DLG2: variants seen among roughly 807,000 people sequenced by gnomAD.
DLG2 encodes disks large homolog 2.
A neutral mutation model predicts 132.5 loss-of-function variants in DLG2; 45 were observed. The ratio of observed to expected loss-of-function variants is 0.34; its 90% CI spans 0.27 to 0.44. The LOEUF (loss-of-function observed/expected upper bound fraction) is 0.44. Ranked by LOEUF, DLG2 falls within the 20% of genes least tolerant of loss-of-function variation. The pLI is 1.00. For missense variants in DLG2, 1,045 were observed against 1,196.9 expected, an observed-to-expected ratio of 0.87 and a Z score of 1.87; for synonymous variants, 424 against 419.6, an observed-to-expected ratio of 1.01 and a Z score of -0.13.
At chr11:84,500,041 G>A (rs1308205092) in intron 7 of DLG2, among the ~76,000 whole-genome samples, 1 of 152,014 alleles carries the variant, frequency 6.6e-6, no homozygotes, top group African/African-American at 2.4e-5. Flanking sequence ...GAAAAAAATA[G>A]ACAAGATCCA....
chr11:84,782,271 C>T (rs1598007898), intron 6 of DLG2, among the ~76,000 whole-genome samples: 1 of 151,870 alleles, frequency 6.6e-6, no homozygotes, highest in East Asian at 1.9e-4. Context: ...AATATTTATC[C>T]AAAATAATAT....
intron 3 of DLG2, among the ~76,000 whole-genome samples, chr11:85,536,782 T>A (rs2075615087): frequency 6.6e-6 from 1 of 152,222 alleles, no homozygotes; most frequent in Non-Finnish European, 1.5e-5. Context: ...CATTCCCTTT[T>A]CACGGGATGA....
At position 83,760,496 on chromosome 11, in the gene DLG2, A is replaced by G. The variant is rs144334972; in HGVS notation, c.1825+26194T>C. ...TTTTTTTTTTTGGAGCTGGGATTACAGGTGCCTGCCACCACGCCCGGCTAA... is the reference window on the plus strand; with the variant it reads ...TTTTTTTTTTTGGAGCTGGGATTACGGGTGCCTGCCACCACGCCCGGCTAA... On this transcript the variant is annotated intron_variant, in intron 18 of 27. Transcript: ENST00000376104. 2.2e-4 allele frequency among the ~76,000 whole-genome samples: 33 copies of G among 151,430 alleles called. 1 individual carries two copies. Among genetic ancestry groups the G allele is most frequent in the African/African-American group, 8.0e-4 (33 of 41,242 alleles).
chr11:84,205,629 A>G (rs1391806118), intron 8 of DLG2, among the ~76,000 whole-genome samples: 1 of 152,098 alleles, frequency 6.6e-6, no homozygotes, highest in Non-Finnish European at 1.5e-5. Flanking sequence ...TAAAGAAAAT[A>G]AAAAATATTT....
chr11:84,053,377 G>A (rs1036168230), intron 11 of DLG2, among the ~76,000 whole-genome samples: 3 of 151,846 alleles, frequency 2.0e-5, no homozygotes, highest in East Asian at 1.9e-4. Flanking sequence ...CATGGCACAC[G>A]TTTACCTATG....
intron 18 of DLG2, among the ~76,000 whole-genome samples, chr11:83,721,272 T>C (rs990597365): frequency 5.3e-5 from 8 of 152,192 alleles, no homozygotes; most frequent in African/African-American, 1.9e-4. Context: ...ATTGAGTAAC[T>C]ACAGACATTT....
intron 10 of DLG2, among the ~76,000 whole-genome samples, chr11:84,064,632 A>T (rs1024893117): frequency 6.6e-6 from 1 of 152,230 alleles, no homozygotes; most frequent in Non-Finnish European, 1.5e-5. Flanking sequence ...TAAGCATCAA[A>T]AATGTTAGCT....
At chr11:84,697,146 A>G (rs1189100449) in intron 6 of DLG2, among the ~76,000 whole-genome samples, 1 of 151,428 alleles carries the variant, frequency 6.6e-6, no homozygotes, top group Non-Finnish European at 1.5e-5. Context: ...CAGCAAGAAA[A>G]ATACAAGAAA....
chr11:83,752,272 GAA>G (rs1208797362), intron 18 of DLG2, among the ~76,000 whole-genome samples: 1 of 104,676 alleles, frequency 9.6e-6, no homozygotes, highest in African/African-American at 3.3e-5. Context: ...TGTCTCAAAA[GAA>G]AAAAAAAAAA....
intron 3 of DLG2, among the ~76,000 whole-genome samples, chr11:85,580,358 G>T (rs116031068): frequency 0.013 from 2,053 of 152,294 alleles, 42 homozygotes; most frequent in African/African-American, 0.046. Context: ...GCCAGGAGAA[G>T]AAAGATCCCA....
intron 7 of DLG2, 64 bp downstream of exon 7, chr11:84,534,506 T>C: frequency 6.6e-7 from 1 of 1,510,924 alleles, no homozygotes; most frequent in Non-Finnish European, 9.2e-7. Flanking sequence ...AGCAAACATC[T>C]CCATTAGCAA....
intron 3 of DLG2, among the ~76,000 whole-genome samples, chr11:85,404,637 A>G (rs543233070): frequency 6.6e-6 from 1 of 152,098 alleles, no homozygotes; most frequent in Admixed American, 6.6e-5. Context: ...AAGGACAATC[A>G]AGAAAAATTA....
In DLG2 at chr11:85,427,457, G is replaced by A. The variant is rs530646303; in HGVS notation, c.41-142092C>T. 2.0e-5 allele frequency among the ~76,000 whole-genome samples: 3 copies of A among 152,342 alleles called. No individual in the cohort carries two copies. The East Asian group carries it at 5.8e-4, about 29-fold the overall frequency. ...CAGAAACTCTACAAGCCAGAAGAGAGTGGGGGCCAATATTCAACTTTCTTA... is the reference window on the plus strand; with the variant it reads ...CAGAAACTCTACAAGCCAGAAGAGAATGGGGGCCAATATTCAACTTTCTTA... On this transcript the variant is annotated intron_variant, in intron 3 of 27. Transcript: ENST00000376104.
intron 3 of DLG2, among the ~76,000 whole-genome samples, chr11:85,324,226 T>C (rs1430292252): frequency 6.6e-6 from 1 of 152,174 alleles, no homozygotes; most frequent in Non-Finnish European, 1.5e-5. Context: ...ATTCCTGTCT[T>C]TGAATAGCTT....
At chr11:84,045,522 C>G (rs1252704582) in intron 11 of DLG2, among the ~76,000 whole-genome samples, 3 of 151,642 alleles carry the variant, frequency 2.0e-5, no homozygotes, top group Non-Finnish European at 4.4e-5. Context: ...TTGTCTTATT[C>G]TTGACATGAA....
Position 83,531,904 on chromosome 11 carries a change from G to A in DLG2, c.2193+804C>T, listed in dbSNP as rs2095756083. Reference sequence around the variant, plus strand: ...AAAAAGCAGCCACAAAAGACCACATGGTGTATAATTTCATTTATATAAAAT... The same window carrying A: ...AAAAAGCAGCCACAAAAGACCACATAGTGTATAATTTCATTTATATAAAAT... On this transcript the variant is annotated intron_variant, in intron 21 of 27. Transcript: ENST00000376104. Among the ~76,000 whole-genome samples the A allele has an allele frequency of 2.1e-5, 3 of 144,766 alleles. No individual in the cohort carries two copies. The Admixed American group carries it at 2.2e-4, about 10-fold the overall frequency. 95.0% of individuals were successfully genotyped at this position (144,766 alleles called of 152,430 possible).
Position 84,175,653 on chromosome 11 carries a change from T to C in DLG2, c.574-12142A>G, listed in dbSNP as rs554841358. Among the ~76,000 whole-genome samples the C allele has an allele frequency of 1.8e-4, 28 of 152,252 alleles. No homozygotes were observed. In the East Asian group the frequency reaches 5.2e-3, roughly 28 times the overall value. On this transcript the variant is annotated intron_variant, in intron 8 of 27. Coordinates refer to ENST00000376104, the MANE Select transcript of DLG2 (RefSeq NM_001142699.3). ...GAGTGACTACCCCCACCTTCTTCGC[T>C]ATCTCATATAATCTCTTTTCATCCC...
intron 7 of DLG2, among the ~76,000 whole-genome samples, chr11:84,451,814 G>A (rs1360643688): frequency 6.6e-6 from 1 of 151,674 alleles, no homozygotes; most frequent in African/African-American, 2.4e-5. Context: ...GCAGATAAAT[G>A]GAATAAAAGG....
intron 7 of DLG2, among the ~76,000 whole-genome samples, chr11:84,325,448 T>C (rs931404102): frequency 4.6e-5 from 7 of 152,202 alleles, no homozygotes; most frequent in African/African-American, 1.7e-4. Context: ...ACTTATTTTT[T>C]TGAAATGAAA....
Sources: gnomAD v4.1 joint callset for allele counts (sites outside exome capture counted in the v4.1 genomes callset) on GRCh38, gnomAD v4.1.1 for gene constraint, MANE v1.5 for transcripts, NCBI Gene and HGNC (gene_info 2026-07-23, HGNC 2026-07-21) for gene names.